Variants in TMEM248 observed in about 807,000 individuals in gnomAD.
TMEM248 encodes UPF0458 protein C7orf42.
In TMEM248, 9 loss-of-function variants were observed where a neutral mutation model predicts 30.3. The ratio of observed to expected loss-of-function variants is 0.30; its 90% CI spans 0.18 to 0.52. The LOEUF is 0.52. Among genes scored for constraint, TMEM248 ranks in the 20% least tolerant of loss-of-function variants. The probability of loss-of-function intolerance (pLI) is 0.97; values close to 1 mark genes in which losing one functional copy is unlikely to be tolerated. For synonymous variants in TMEM248, 184 were observed against 154.4 expected (o/e 1.19, Z -1.42); for missense variants, 338 against 403.3 (o/e 0.84, Z 1.39).
In TMEM248 at chr7:66,955,818, G is replaced by A. The variant is rs1468219831; in HGVS notation, c.*296G>A. ...CACGTGTCTCTAGAGAAGGATTCCT[G>A]GATCTAGCTGGTCACGACGATGTTT... On this transcript the variant is annotated 3_prime_UTR_variant, in exon 7 of 7. Transcript: ENST00000341567. The A allele has an allele frequency of 5.1e-6, 2 of 395,780 alleles. No individual in the cohort carries two copies. Among genetic ancestry groups the A allele is most frequent in the Non-Finnish European group, 9.0e-6 (2 of 222,784 alleles). The allele number at this position is 395,780 out of a possible 1,614,324, so 24.5% of individuals were successfully genotyped here.
intron 3 of TMEM248, among the ~76,000 whole-genome samples, chr7:66,946,114 C>T (rs536043248): frequency 1.4e-5 from 2 of 146,222 alleles, no homozygotes; most frequent in South Asian, 4.4e-4. Context: ...GTCAGCTGGG[C>T]ATGCAGGCAT....
chr7:66,921,997 A>T (rs1433877634), intron 1 of TMEM248: 1 of 152,206 alleles, frequency 6.6e-6, no homozygotes. Flanking sequence ...ATCTAGAGGC[A>T]TGTAGTTTCA....
At chr7:66,925,368 A>T (rs1359670280) in intron 1 of TMEM248, among the ~76,000 whole-genome samples, 1 of 152,188 alleles carries the variant, frequency 6.6e-6, no homozygotes, top group Admixed American at 6.6e-5. Context: ...CAAAAAAGAA[A>T]AAATATATTC....
Position 66,958,174 on chromosome 7 carries a change from A to G in TMEM248, c.*2652A>G, listed in dbSNP as rs1262965405. ...CAGGAGCACCAGCTCACCCTCAGGC[A>G]TCTCGGACTGGAGGGCCAGCAGAAG... On this transcript the variant is annotated 3_prime_UTR_variant, in exon 7 of 7. Transcript: ENST00000341567. The G allele has an allele frequency of 3.9e-5, 6 of 152,736 alleles. No individual in the cohort carries two copies. Among genetic ancestry groups the G allele is most frequent in the Non-Finnish European group, 8.8e-5 (6 of 68,084 alleles). 9.5% of individuals were successfully genotyped at this position (152,736 alleles called of 1,614,324 possible).
At chr7:66,944,495 G>A (rs1792043555) in intron 2 of TMEM248, among the ~76,000 whole-genome samples, 1 of 152,194 alleles carries the variant, frequency 6.6e-6, no homozygotes, top group East Asian at 1.9e-4. Context: ...AGTATTCACT[G>A]CTGTTTTGTG....
At position 66,945,056 on chromosome 7, in the gene TMEM248, C is replaced by T. The variant is rs148867090; in HGVS notation, c.240C>T (p.Asn80=). ...ATGAAACCCTCAAGCATCTCACAAA[C>T]GACACCACAACTCCGGAAAGTACAA... ...SENETLKHLT[N]DTTTPESTMT... is the part of the protein sequence containing the mutation. The change falls in exon 3 of 7, where the codon AAC becomes AAT. Residue 80 remains asparagine (N), a synonymous_variant. Transcript: ENST00000341567. 1.0e-4 allele frequency: 165 copies of T among 1,614,226 alleles called. No individual in the cohort carries two copies. In the African/African-American group the frequency reaches 1.9e-3, roughly 18 times the overall value.
At chr7:66,927,935 C>A (rs1253649172) in intron 1 of TMEM248, among the ~76,000 whole-genome samples, 1 of 152,152 alleles carries the variant, frequency 6.6e-6, no homozygotes, top group Non-Finnish European at 1.5e-5. Context: ...GGAAAATAGG[C>A]TGAGCACGGT....
Position 66,955,601 on chromosome 7 carries a change from C to A in TMEM248, c.*79C>A. ...GCTGAACCCAGCCTGGGCCTGGATG[C>A]TCTGTGAATACATTATCTTGCGATG... On this transcript the variant is annotated 3_prime_UTR_variant, in exon 7 of 7. Coordinates refer to ENST00000341567, the MANE Select transcript of TMEM248 (RefSeq NM_017994.5). The A allele has an allele frequency of 6.5e-7, 1 of 1,530,292 alleles. No homozygotes were observed. Among genetic ancestry groups the A allele is most frequent in the Non-Finnish European group, 9.0e-7 (1 of 1,109,692 alleles). The allele number at this position is 1,530,292 out of a possible 1,614,324, so 94.8% of individuals were successfully genotyped here.
At chr7:66,953,081 A>G (rs1217478079) in intron 5 of TMEM248, 145 bp from the exon 6 acceptor site, 1 of 887,594 alleles carries the variant, frequency 1.1e-6, no homozygotes, top group Non-Finnish European at 1.7e-6. Flanking sequence ...TTTAGGAGGC[A>G]AAAGGAGAAA....
At chr7:66,937,385 C>T (rs756894429) in intron 1 of TMEM248, among the ~76,000 whole-genome samples, 8 of 152,162 alleles carry the variant, frequency 5.3e-5, no homozygotes, top group Admixed American at 6.6e-5. Flanking sequence ...TCCATTTGGT[C>T]TGTAGTGCAG....
chr7:66,942,620 T>C (rs1408917120), intron 2 of TMEM248, among the ~76,000 whole-genome samples: 1 of 152,128 alleles, frequency 6.6e-6, no homozygotes, highest in East Asian at 1.9e-4. Context: ...CTCAGCCTCC[T>C]GAGTAGCTGG....
intron 1 of TMEM248, among the ~76,000 whole-genome samples, chr7:66,932,658 G>T (rs1791698302): frequency 2.0e-5 from 3 of 147,510 alleles, no homozygotes; most frequent in South Asian, 4.3e-4. Flanking sequence ...GGGATTACAG[G>T]CGCACGCTGC....
chr7:66,931,649 A>G (rs1368388367), intron 1 of TMEM248, among the ~76,000 whole-genome samples: 6 of 151,690 alleles, frequency 4.0e-5, no homozygotes, highest in Admixed American at 2.6e-4. Context: ...TTATTAAAAA[A>G]TTGTTTTTTG....
intron 1 of TMEM248, among the ~76,000 whole-genome samples, 155 bp downstream of exon 1, chr7:66,921,616 C>T (rs1287507013): frequency 6.6e-6 from 1 of 152,154 alleles, no homozygotes; most frequent in South Asian, 2.1e-4. Context: ...TGGCGGGGGT[C>T]GCCCAGCATC....
At chr7:66,923,115 C>G (rs1322118569) in intron 1 of TMEM248, among the ~76,000 whole-genome samples, 4 of 151,740 alleles carry the variant, frequency 2.6e-5, no homozygotes, top group Non-Finnish European at 4.4e-5. Flanking sequence ...ACCAACTGTT[C>G]AGGATTTTGT....
At chr7:66,929,483 C>T (rs1379296607) in intron 1 of TMEM248, among the ~76,000 whole-genome samples, 3 of 130,634 alleles carry the variant, frequency 2.3e-5, no homozygotes, top group African/African-American at 8.5e-5. Context: ...CGTGCCCAGG[C>T]TGGAGTTCAG....
intron 3 of TMEM248, among the ~76,000 whole-genome samples, chr7:66,948,342 TC>T (rs1374181206): frequency 1.3e-5 from 2 of 152,184 alleles, no homozygotes; most frequent in South Asian, 2.1e-4. Context: ...AGTGGCCACT[TC>T]CTTCGCTGCT....
chr7:66,948,675 G>A lies in TMEM248; in HGVS notation c.577G>A (p.Gly193Arg). The change falls in exon 4 of 7, where the codon GGG (glycine) becomes AGG (arginine). Residue 193 changes from glycine to arginine, a missense_variant. Transcript: ENST00000341567. ...TACMTLTASP[G>R]VFPVTVQPPH... ...CTGCATGACCCTCACGGCCAGCCCT[G>A]GGGTGTTCCCCGTCACTGTGTAAGT... The A allele has an allele frequency of 6.2e-7, 1 of 1,611,954 alleles. No individual in the cohort carries two copies. Among genetic ancestry groups the A allele is most frequent in the South Asian group, 1.1e-5 (1 of 91,038 alleles).
rs1322867872 is a variant in TMEM248, at chr7:66,926,635, G to C, written c.-19+5174G>C. On this transcript the variant is annotated intron_variant, in intron 1 of 6. Transcript: ENST00000341567. ...TGGGTGACAGAGCAAGACTCCATCTGAAACAAAAAAAAAAAAAAAGAAAAG... is the reference window on the plus strand; with the variant it reads ...TGGGTGACAGAGCAAGACTCCATCTCAAACAAAAAAAAAAAAAAAGAAAAG... Among the ~76,000 whole-genome samples, 7 of 95,754 alleles carry C rather than the reference G, an allele frequency of 7.3e-5. No individual in the cohort carries two copies. The Admixed American group carries it at 8.1e-4, about 11-fold the overall frequency. The allele number at this position is 95,754 out of a possible 152,430, so 62.8% of individuals were successfully genotyped here.
Sources: gnomAD v4.1 joint callset for allele counts (sites outside exome capture counted in the v4.1 genomes callset) on GRCh38, gnomAD v4.1.1 for gene constraint, MANE v1.5 for transcripts, NCBI Gene and HGNC (gene_info 2026-07-23, HGNC 2026-07-21) for gene names.